Variants in SDCBP2 observed in about 807,000 individuals in gnomAD.
SDCBP2 encodes the protein syntenin-2.
SDCBP2 carries 28 observed loss-of-function variants against 30.7 expected under a neutral mutation model. The observed-to-expected ratio is 0.91, with a 90% CI of 0.68 to 1.25. SDCBP2 has a LOEUF of 1.25. Among genes scored for constraint, SDCBP2 ranks in the 50% most tolerant of loss-of-function variants. The probability of loss-of-function intolerance (pLI) is 0.00; values close to 1 mark genes in which losing one functional copy is unlikely to be tolerated. For synonymous variants in SDCBP2, 166 were observed against 157.3 expected (o/e 1.06, Z -0.41); for missense variants, 399 against 379.0 (o/e 1.05, Z -0.44).
chr20:1,310,882 TC>T lies in SDCBP2; in HGVS notation c.741del (p.Ile248SerfsTer14). 1 of 1,613,880 alleles carries T rather than the reference TC, an allele frequency of 6.2e-7. No homozygotes were observed. The highest frequency in any genetic ancestry group is 8.5e-7 in the Non-Finnish European group (1 of 1,179,820). ...GQNVIGLKDK[K>X]IMEILATAGN... is the part of the protein sequence containing the mutation. ...CCAGCCGTGGCCAGAATCTCCATGATCTTTTTGTCCTAGGGAGGAGGCAAGT... is the reference window on the plus strand; with the variant it reads ...CCAGCCGTGGCCAGAATCTCCATGATTTTTTGTCCTAGGGAGGAGGCAAGT... On this transcript the variant is annotated frameshift_variant, in exon 8 of 9. Transcript: ENST00000360779. LOFTEE classifies it high-confidence loss of function.
At chr20:1,316,807 CTTTG>C (rs912565628) in intron 4 of SDCBP2, among the ~76,000 whole-genome samples, 93 of 152,298 alleles carry the variant, frequency 6.1e-4, no homozygotes, top group African/African-American at 2.2e-3. Flanking sequence ...ATAAGAATAA[CTTTG>C]TTTGTAACCA....
At position 1,313,523 on chromosome 20, in the gene SDCBP2, T is replaced by G. The variant is rs2122508853; in HGVS notation, c.226-25A>C. The G allele has an allele frequency of 6.4e-7, 1 of 1,555,364 alleles. No homozygotes were observed. On this transcript the variant is annotated intron_variant, in intron 4 of 8. Transcript: ENST00000360779. The surrounding 1 kb of genome is among the most constrained non-coding windows in gnomAD (Gnocchi z 5.2). ...TCTGCAGACACCAGGGGGCAGGGGG[T>G]CAGCCCGGCCCGTGGGGACCCTGTG...
Position 1,313,188 on chromosome 20 carries a change from G to A in SDCBP2, c.384+152C>T, listed in dbSNP as rs1019145509. On this transcript the variant is annotated intron_variant, in intron 5 of 8. Coordinates refer to ENST00000360779, the MANE Select transcript of SDCBP2 (RefSeq NM_080489.5). This position sits in a 1 kb window ranked among gnomAD's most constrained non-coding sequence, Gnocchi z 5.2. ...AGCACCAGCCCCGCCCGGGTCTCGG[G>A]GAGGAGGGACTGGGGGCAAGAGCCT... The A allele has an allele frequency of 2.5e-5, 20 of 811,684 alleles. No homozygotes were observed. In the East Asian group the frequency reaches 5.4e-4, roughly 22 times the overall value. 50.3% of individuals were successfully genotyped at this position (811,684 alleles called of 1,614,324 possible). A position where few individuals can be genotyped will look rare whatever the true frequency, so the allele number is the denominator to read the frequency against.
In SDCBP2 at chr20:1,310,458, A is replaced by G. The variant is rs368582007; in HGVS notation, c.862T>C (p.Ser288Pro). 33 of 1,613,364 alleles carry G rather than the reference A, an allele frequency of 2.0e-5. No homozygotes were observed. The African/African-American group carries it at 3.5e-4, about 17-fold the overall frequency. The change falls in exon 9 of 9, where the codon TCC becomes CCC. Residue 288 changes from serine to proline, a missense_variant. Coordinates refer to ENST00000360779, the MANE Select transcript of SDCBP2 (RefSeq NM_080489.5). ...CAGTGGCTTCAGGCATCTGGGATGGAGTGGTCCATGGTGTGGTGGAGCAGG... is the reference window on the plus strand; with the variant it reads ...CAGTGGCTTCAGGCATCTGGGATGGGGTGGTCCATGGTGTGGTGGAGCAGG... ...PVLLHHTMDH[S>P]IPDA
chr20:1,325,809 C>A (rs2088916559), intron 1 of SDCBP2: 1 of 152,100 alleles, frequency 6.6e-6, no homozygotes, highest in Admixed American at 6.5e-5. Context: ...GTGACGTCAC[C>A]CTTCCTCCCC....
intron 4 of SDCBP2, 150 bp downstream of exon 4, chr20:1,318,168 C>T (rs541924836): frequency 1.0e-4 from 69 of 683,202 alleles, no homozygotes; most frequent in African/African-American, 6.9e-4. Context: ...TCAAAATGAA[C>T]GGTGCCATCA....
rs1167160345 is a variant in SDCBP2 at position 1,324,256 on chromosome 20, A to G, written c.-19-3821T>C. On this transcript the variant is annotated intron_variant, in intron 1 of 8. Transcript: ENST00000360779. This position sits in a 1 kb window ranked among gnomAD's most constrained non-coding sequence, Gnocchi z 4.7. The stretch of plus-strand genomic sequence containing the variant: ...TTTTCTTACACTGGACCTCACTCAT[A>G]AGGGCAGGAGCTCTGTCCCGTTCAC... 1.3e-5 allele frequency: 2 copies of G among 152,188 alleles called. No homozygotes were observed. Among genetic ancestry groups the G allele is most frequent in the Admixed American group, 6.5e-5 (1 of 15,280 alleles). The allele number at this position is 152,188 out of a possible 1,614,324, so 9.4% of individuals were successfully genotyped here.
At chr20:1,325,689 A>G (rs995984358) in intron 1 of SDCBP2, 3 of 151,972 alleles carry the variant, frequency 2.0e-5, no homozygotes, top group Admixed American at 1.3e-4. Flanking sequence ...ATTCTGTACT[A>G]AGGCAGCCGT....
Position 1,312,653 on chromosome 20 carries a change from G to A in SDCBP2, c.494C>T (p.Ser165Leu). 5.6e-6 allele frequency: 9 copies of A among 1,614,132 alleles called. 1 individual carries two copies. The highest frequency in any genetic ancestry group is 3.3e-4 in the Middle Eastern group (2 of 6,062). The change falls in exon 6 of 9, where the codon TCG becomes TTG. Residue 165 changes from serine (S) to leucine (L), a missense_variant. By Grantham distance (145) the Ser-to-Leu change is moderately radical. Coordinates refer to ENST00000360779, the MANE Select transcript of SDCBP2 (RefSeq NM_080489.5). ...CTTCACCACCTGATGGGCTTTGTGC[G>A]AGCTCCACCCAGCACAGTCACGCCC... ...IDGRDCAGWS[S>L]HKAHQVVKKA...
At chr20:1,318,954 C>A (rs2088817286) in intron 3 of SDCBP2, among the ~76,000 whole-genome samples, 1 of 152,250 alleles carries the variant, frequency 6.6e-6, no homozygotes, top group Non-Finnish European at 1.5e-5. Context: ...GGCTTCCAGC[C>A]TCCAGAGCTG....
At chr20:1,326,254 C>T (rs2088924073) in intron 1 of SDCBP2, among the ~76,000 whole-genome samples, 1 of 152,192 alleles carries the variant, frequency 6.6e-6, no homozygotes, top group African/African-American at 2.4e-5. Context: ...CCAGCTGTGC[C>T]GCGCCTCCCC....
At chr20:1,312,092 G>C (rs2088680118) in intron 7 of SDCBP2, among the ~76,000 whole-genome samples, 1 of 144,038 alleles carries the variant, frequency 6.9e-6, no homozygotes, top group Admixed American at 7.1e-5. Context: ...TGTGGAAAGA[G>C]GGTTTCACAT....
intron 3 of SDCBP2, 67 bp downstream of exon 3, chr20:1,319,523 G>A: frequency 1.3e-6 from 2 of 1,494,676 alleles, no homozygotes; most frequent in Non-Finnish European, 1.8e-6. Flanking sequence ...GCATTGCCAA[G>A]CTTCCCTGAT....
In SDCBP2 at chr20:1,318,623, C is replaced by T. The variant is rs369952826; in HGVS notation, c.125-205G>A. The stretch of plus-strand genomic sequence containing the variant: ...CAGGTGCAGGGTAGGACACCGAGTC[C>T]TCATGCACCACTTTGCTATTCAACT... On this transcript the variant is annotated intron_variant, in intron 3 of 8. Transcript: ENST00000360779. Among the ~76,000 whole-genome samples, 15 of 152,262 alleles carry T rather than the reference C, an allele frequency of 9.9e-5. No individual in the cohort carries two copies. In the East Asian group the frequency reaches 2.5e-3, roughly 26 times the overall value.
intron 4 of SDCBP2, among the ~76,000 whole-genome samples, chr20:1,314,398 A>G (rs1600277885): frequency 6.8e-6 from 1 of 148,048 alleles, no homozygotes; most frequent in African/African-American, 2.5e-5. Flanking sequence ...GAGGCAGGAG[A>G]ATTACATGAA....
chr20:1,313,353 CG>C lies in SDCBP2; in HGVS notation c.370del (p.Arg124GlyfsTer49). Reference sequence around the variant, plus strand: ...CCCGCGCCCTACCTGGTCGACCTTCCGCAGCCTCAGCCCGGTCTTGCCGCGC... The same window carrying C: ...CCCGCGCCCTACCTGGTCGACCTTCCCAGCCTCAGCCCGGTCTTGCCGCGC... Reference protein sequence around the residue: ...DERGKTGLRLRKVDQGLFVQL... With the variant: ...DERGKTGLRLXKVDQGLFVQL... On this transcript the variant is annotated frameshift_variant, in exon 5 of 9. Transcript: ENST00000360779. LOFTEE classifies it high-confidence loss of function. This position sits in a 1 kb window ranked among gnomAD's most constrained non-coding sequence, Gnocchi z 5.2. 6.2e-7 allele frequency: 1 copy of C among 1,611,584 alleles called. No homozygotes were observed. The highest frequency in any genetic ancestry group is 8.5e-7 in the Non-Finnish European group (1 of 1,179,628).
Position 1,313,439 on chromosome 20 carries a change from C to T in SDCBP2, c.285G>A (p.Leu95=), listed in dbSNP as rs772892854. ...QMVAPVTGYS[L]GVRRAEIKPG... ...GCTTGATCTCAGCTCGCCGCACGCC[C>T]AGGCTGTACCCGGTTACCGGTGCCA... The change falls in exon 5 of 9, where the codon CTG becomes CTA. Residue 95 remains leucine, a synonymous_variant. Coordinates refer to ENST00000360779, the MANE Select transcript of SDCBP2 (RefSeq NM_080489.5). This position sits in a 1 kb window ranked among gnomAD's most constrained non-coding sequence, Gnocchi z 5.2. The T allele has an allele frequency of 4.0e-5, 64 of 1,602,502 alleles. No individual in the cohort carries two copies. The highest frequency in any genetic ancestry group is 5.4e-5 in the Non-Finnish European group (63 of 1,176,282).
At position 1,310,491 on chromosome 20, in the gene SDCBP2, GCAACCTGGATACAGCAA is replaced by G; in HGVS notation, c.825-13_828del. ...ATGGTGTGGTGGAGCAGGACTGGAG[GCAACCTGGATACAGCAA>G]CAACAGTGACCAGGTTGGCAGCTCC... On this transcript the variant is annotated splice_acceptor_variant and splice_polypyrimidine_tract_variant and coding_sequence_variant and intron_variant, in exon 9 of 9. Coordinates refer to ENST00000360779, the MANE Select transcript of SDCBP2 (RefSeq NM_080489.5). LOFTEE classifies it high-confidence loss of function. 1.2e-6 allele frequency: 2 copies of G among 1,613,652 alleles called. No homozygotes were observed. The highest frequency in any genetic ancestry group is 8.5e-7 in the Non-Finnish European group (1 of 1,179,942).
In SDCBP2 at chr20:1,324,875, T is replaced by TG. The variant is rs1210300192; in HGVS notation, c.-20+4209dup. ...ATATTGTCTTCTAGTAAACCTAAGC[T>TG]GATTCCTAAGTTGGGTACAAGCGTG... On this transcript the variant is annotated intron_variant, in intron 1 of 8. Transcript: ENST00000360779. This position sits in a 1 kb window ranked among gnomAD's most constrained non-coding sequence, Gnocchi z 4.7. Among the ~76,000 whole-genome samples the TG allele has an allele frequency of 1.3e-5, 2 of 152,260 alleles. No individual in the cohort carries two copies. The highest frequency in any genetic ancestry group is 4.1e-4 in the South Asian group (2 of 4,838).
Sources: allele counts gnomAD v4.1 joint callset (sites outside exome capture counted in the v4.1 genomes callset), GRCh38; gene constraint gnomAD v4.1.1; non-coding constraint Gnocchi (gnomAD v3.1); transcripts MANE v1.5; gene names NCBI Gene and HGNC (gene_info 2026-07-23, HGNC 2026-07-21).